The following ADGRL3 variants were observed in gnomAD, a reference collection of about 807,000 sequenced individuals.
The protein encoded by ADGRL3 is adhesion G protein-coupled receptor L3, also known as calcium-independent alpha-latrotoxin receptor 3.
Under a neutral mutation model 153.5 loss-of-function variants are expected in ADGRL3, and 62 were observed. The observed-to-expected ratio is 0.40, with a 90% CI of 0.33 to 0.50. The LOEUF is 0.50. Ranked by LOEUF, ADGRL3 falls within the 20% of genes least tolerant of loss-of-function variation. The pLI is 0.47. For synonymous variants in ADGRL3, 710 were observed against 672.5 expected (o/e 1.06, Z -0.86); for missense variants, 1,641 against 1,859.4 (o/e 0.88, Z 2.16).
chr4:62,045,085 T>A (rs1053647858), intron 25 of ADGRL3, among the ~76,000 whole-genome samples: 1 of 152,076 alleles, frequency 6.6e-6, no homozygotes, highest in Non-Finnish European at 1.5e-5. Context: ...TTTTTGTGTA[T>A]GTGCTTGTGG....
At chr4:61,700,953 C>T (rs557841315) in intron 6 of ADGRL3, among the ~76,000 whole-genome samples, 1 of 152,176 alleles carries the variant, frequency 6.6e-6, no homozygotes, top group East Asian at 1.9e-4. Flanking sequence ...TTCTTTAACC[C>T]CACTTGTAAG....
At chr4:61,278,309 T>A (rs1218161873) in intron 1 of ADGRL3, among the ~76,000 whole-genome samples, 1 of 152,166 alleles carries the variant, frequency 6.6e-6, no homozygotes, top group Non-Finnish European at 1.5e-5. Context: ...AAGGGAATTT[T>A]CTCCTCAAAT....
At chr4:61,531,540 A>G (rs1280462722) in intron 4 of ADGRL3, among the ~76,000 whole-genome samples, 2 of 152,044 alleles carry the variant, frequency 1.3e-5, no homozygotes, top group South Asian at 2.1e-4. Context: ...ATAGCATTTC[A>G]TTTCCTTCCT....
intron 9 of ADGRL3, among the ~76,000 whole-genome samples, chr4:61,867,715 T>C (rs2098411383): frequency 6.6e-6 from 1 of 151,478 alleles, no homozygotes; most frequent in Admixed American, 6.6e-5. Flanking sequence ...TGTTTTATGC[T>C]AAGTCTGATG....
At chr4:61,740,917 A>G (rs1180695005) in intron 8 of ADGRL3, among the ~76,000 whole-genome samples, 1 of 152,192 alleles carries the variant, frequency 6.6e-6, no homozygotes, top group African/African-American at 2.4e-5. Flanking sequence ...TAAACCAACA[A>G]AAAGCCTACA....
intron 2 of ADGRL3, among the ~76,000 whole-genome samples, chr4:61,387,633 C>G (rs1281056142): frequency 6.6e-6 from 1 of 152,102 alleles, no homozygotes; most frequent in Admixed American, 6.6e-5. Flanking sequence ...CAGCTCTGTT[C>G]CGCCTGGCTC....
At chr4:61,695,804 C>A (rs2095632356) in intron 6 of ADGRL3, among the ~76,000 whole-genome samples, 1 of 152,154 alleles carries the variant, frequency 6.6e-6, no homozygotes, top group African/African-American at 2.4e-5. Context: ...TATTGACTTT[C>A]ATCAGTTATC....
intron 9 of ADGRL3, among the ~76,000 whole-genome samples, chr4:61,847,851 ATATTATATATAATATAAAATATAT>A (rs2098143489): frequency 7.8e-5 from 1 of 12,784 alleles, no homozygotes; most frequent in African/African-American, 2.1e-4. Context: ...AATATAAAAT[ATATTATATATAATATAAAATATAT>A]TATATATAAT....
chr4:61,778,249 A>G (rs1350540441), intron 8 of ADGRL3, among the ~76,000 whole-genome samples: 1 of 152,232 alleles, frequency 6.6e-6, no homozygotes, highest in Non-Finnish European at 1.5e-5. Context: ...TGTATTTACA[A>G]CTATTCCAAA....
intron 11 of ADGRL3, among the ~76,000 whole-genome samples, chr4:61,897,428 A>C (rs903789678): frequency 1.3e-5 from 2 of 152,166 alleles, no homozygotes; most frequent in Non-Finnish European, 2.9e-5. Context: ...TTTAGTTGAG[A>C]TTACCTTCAT....
chr4:61,659,451 G>A (rs2094530706), intron 5 of ADGRL3, among the ~76,000 whole-genome samples: 1 of 152,112 alleles, frequency 6.6e-6, no homozygotes, highest in South Asian at 2.1e-4. Flanking sequence ...ATTTGTATTT[G>A]TTCCCAGCAG....
chr4:61,534,024 G>A (rs1438778571), intron 4 of ADGRL3, among the ~76,000 whole-genome samples: 1 of 152,036 alleles, frequency 6.6e-6, no homozygotes, highest in African/African-American at 2.4e-5. Flanking sequence ...TATTTGCCTA[G>A]ACCAATGTAC....
intron 1 of ADGRL3, among the ~76,000 whole-genome samples, chr4:61,226,052 T>C (rs1315021138): frequency 6.6e-6 from 1 of 152,232 alleles, no homozygotes; most frequent in African/African-American, 2.4e-5. Flanking sequence ...TCCCCCAAAA[T>C]TACCATATAG....
chr4:61,516,545 A>T (rs1053952045), intron 3 of ADGRL3, among the ~76,000 whole-genome samples: 2 of 152,168 alleles, frequency 1.3e-5, no homozygotes, highest in African/African-American at 4.8e-5. Context: ...TTTTCAAAGC[A>T]TAAAATGCAT....
At chr4:61,429,808 A>G (rs1302439512) in intron 2 of ADGRL3, among the ~76,000 whole-genome samples, 2 of 152,134 alleles carry the variant, frequency 1.3e-5, no homozygotes, top group Non-Finnish European at 2.9e-5. Context: ...TACACTTGGA[A>G]ATGAAGTAAT....
At chr4:61,239,455 ATT>A (rs889722544) in intron 1 of ADGRL3, among the ~76,000 whole-genome samples, 1 of 152,096 alleles carries the variant, frequency 6.6e-6, no homozygotes. Flanking sequence ...ACTGATGGCT[ATT>A]AAAATAGCCC....
At chr4:61,625,455 T>C (rs960085605) in intron 5 of ADGRL3, among the ~76,000 whole-genome samples, 1 of 152,118 alleles carries the variant, frequency 6.6e-6, no homozygotes, top group Non-Finnish European at 1.5e-5. Flanking sequence ...CACATGTATA[T>C]ACATACATTC....
chr4:61,373,097 T>C (rs977506871), intron 1 of ADGRL3, among the ~76,000 whole-genome samples: 1 of 152,052 alleles, frequency 6.6e-6, no homozygotes, highest in Non-Finnish European at 1.5e-5. Context: ...TCGTGCAGGG[T>C]GCGCACACTC....
At chr4:61,619,731 G>A (rs2092361053) in intron 5 of ADGRL3, among the ~76,000 whole-genome samples, 2 of 152,226 alleles carry the variant, frequency 1.3e-5, no homozygotes, top group South Asian at 2.1e-4. Flanking sequence ...TCACAGCAGA[G>A]CCACTGGAGC....
Sources: allele counts gnomAD v4.1 joint callset (sites outside exome capture counted in the v4.1 genomes callset), GRCh38; gene constraint gnomAD v4.1.1; transcripts MANE v1.5; gene names NCBI Gene and HGNC (gene_info 2026-07-23, HGNC 2026-07-21).